Variants in CNTN5 observed in about 807,000 individuals in gnomAD.
The protein encoded by CNTN5 is contactin-5.
Under a neutral mutation model 129.1 loss-of-function variants are expected in CNTN5, and 77 were observed. The ratio of observed to expected loss-of-function variants is 0.60; its 90% confidence interval spans 0.50 to 0.72. The LOEUF (loss-of-function observed/expected upper bound fraction) is 0.72. CNTN5 is among the 30% of genes least tolerant of loss of function. The probability of loss-of-function intolerance (pLI) is 0.00; values close to 1 mark genes in which losing one functional copy is unlikely to be tolerated. For synonymous variants in CNTN5, 509 were observed against 465.6 expected, an observed-to-expected ratio of 1.09 and a Z score of -1.20; for missense variants, 1,478 against 1,328.8, an observed-to-expected ratio of 1.11 and a Z score of -1.75.
At chr11:99,520,155 A>C (rs1381249063) in intron 2 of CNTN5, among the ~76,000 whole-genome samples, 1 of 152,124 alleles carries the variant, frequency 6.6e-6, no homozygotes, top group Non-Finnish European at 1.5e-5. Context: ...TATTTATGTT[A>C]GATTCTCTGG....
At chr11:100,200,085 G>T (rs144828190) in intron 15 of CNTN5, among the ~76,000 whole-genome samples, 16 of 151,978 alleles carry the variant, frequency 1.1e-4, no homozygotes, top group African/African-American at 3.4e-4. Flanking sequence ...GGAATATCAC[G>T]TTAGCACAGT....
At chr11:99,288,557 G>A (rs1409429239) in intron 1 of CNTN5, among the ~76,000 whole-genome samples, 3 of 151,814 alleles carry the variant, frequency 2.0e-5, no homozygotes, top group Admixed American at 6.6e-5. Flanking sequence ...ATTTGCTTCA[G>A]TGTCATTTAT....
At chr11:99,158,215 C>G (rs1860428476) in intron 1 of CNTN5, among the ~76,000 whole-genome samples, 1 of 152,132 alleles carries the variant, frequency 6.6e-6, no homozygotes. Flanking sequence ...AAACCGAGCT[C>G]TTGACATTCC....
chr11:100,102,753 G>A (rs960349264), intron 13 of CNTN5, among the ~76,000 whole-genome samples: 2 of 152,050 alleles, frequency 1.3e-5, no homozygotes, highest in Non-Finnish European at 2.9e-5. Context: ...AAAACCTCAG[G>A]ACTGTAAGAT....
intron 21 of CNTN5, among the ~76,000 whole-genome samples, chr11:100,334,399 C>A (rs1024378384): frequency 6.6e-6 from 1 of 152,146 alleles, no homozygotes; most frequent in African/African-American, 2.4e-5. Flanking sequence ...AAAAGTAGAT[C>A]TACCATTTGA....
rs80059171 is a variant in CNTN5, at chr11:99,142,136, A to G, written c.-210+120866A>G. On this transcript the variant is annotated intron_variant, in intron 1 of 24. Transcript: ENST00000524871. ...ATGCTAACCCTGGCAGGCTGGGACC[A>G]GGCCCACACCTTTGTTCTCTGGCTT... 5.3e-3 allele frequency among the ~76,000 whole-genome samples: 802 copies of G among 152,238 alleles called. 8 individuals carry two copies. The highest frequency in any genetic ancestry group is 0.019 in the African/African-American group (775 of 41,536).
chr11:99,527,270 C>T (rs1947523080), intron 2 of CNTN5, among the ~76,000 whole-genome samples: 1 of 152,180 alleles, frequency 6.6e-6, no homozygotes. Context: ...CAGCCAATGC[C>T]TTTAGTCTTC....
intron 4 of CNTN5, among the ~76,000 whole-genome samples, chr11:99,832,514 GTTCTC>G (rs1947174676): frequency 6.6e-6 from 1 of 152,046 alleles, no homozygotes. Flanking sequence ...TTAATAAATC[GTTCTC>G]TTCAATTCTT....
At chr11:99,177,881 CAAAG>C (rs1857855396) in intron 1 of CNTN5, among the ~76,000 whole-genome samples, 1 of 151,924 alleles carries the variant, frequency 6.6e-6, no homozygotes, top group African/African-American at 2.4e-5. Flanking sequence ...AGCACAAAGT[CAAAG>C]AAATTCTATA....
chr11:99,800,201 G>T, intron 3 of CNTN5, among the ~76,000 whole-genome samples: 1 of 151,914 alleles, frequency 6.6e-6, no homozygotes, highest in Admixed American at 6.6e-5. Flanking sequence ...TTATATTTCT[G>T]CTTTAATTTC....
chr11:99,365,700 T>C (rs1395339703), intron 2 of CNTN5, among the ~76,000 whole-genome samples: 1 of 152,176 alleles, frequency 6.6e-6, no homozygotes, highest in Non-Finnish European at 1.5e-5. Flanking sequence ...ACACAGATTG[T>C]TTCTCATTCA....
At chr11:99,950,830 T>C (rs569907305) in intron 7 of CNTN5, among the ~76,000 whole-genome samples, 1 of 152,174 alleles carries the variant, frequency 6.6e-6, no homozygotes, top group South Asian at 2.1e-4. Context: ...TTTAGGAAAA[T>C]TAAATTACAA....
chr11:99,421,242 C>T (rs537216755), intron 2 of CNTN5, among the ~76,000 whole-genome samples: 1 of 151,900 alleles, frequency 6.6e-6, no homozygotes, highest in African/African-American at 2.4e-5. Context: ...CCTCAGATTC[C>T]TTTACAGAGT....
chr11:99,789,164 A>C (rs1591181651), intron 3 of CNTN5, among the ~76,000 whole-genome samples: 1 of 151,980 alleles, frequency 6.6e-6, no homozygotes, highest in African/African-American at 2.4e-5. Context: ...AAGCTGTTGT[A>C]GCAATATTAG....
At chr11:99,877,716 T>A (rs571386320) in intron 6 of CNTN5, among the ~76,000 whole-genome samples, 1 of 152,352 alleles carries the variant, frequency 6.6e-6, no homozygotes, top group East Asian at 1.9e-4. Context: ...TACAATACTG[T>A]GCAGCTTTAT....
chr11:99,135,284 T>G (rs930165344), intron 1 of CNTN5, among the ~76,000 whole-genome samples: 1 of 152,142 alleles, frequency 6.6e-6, no homozygotes, highest in Non-Finnish European at 1.5e-5. Flanking sequence ...TTGTAATACA[T>G]CCTCTGCAGT....
At chr11:100,027,662 C>G (rs549628933) in intron 9 of CNTN5, among the ~76,000 whole-genome samples, 1 of 152,166 alleles carries the variant, frequency 6.6e-6, no homozygotes, top group African/African-American at 2.4e-5. Context: ...TGTCCTCTCT[C>G]GTTTACTGTG....
chr11:99,072,069 AG>A (rs1461651746), intron 1 of CNTN5, among the ~76,000 whole-genome samples: 2 of 152,138 alleles, frequency 1.3e-5, no homozygotes, highest in Non-Finnish European at 1.5e-5. Context: ...ATTTATATGA[AG>A]TTGACCATTT....
intron 1 of CNTN5, among the ~76,000 whole-genome samples, chr11:99,161,984 CCT>C (rs1301784613): frequency 2.6e-5 from 4 of 152,010 alleles, no homozygotes; most frequent in Non-Finnish European, 5.9e-5. Context: ...AGAATTAATC[CCT>C]CTTTGTGCTT....
Sources: allele counts gnomAD v4.1 joint callset (sites outside exome capture counted in the v4.1 genomes callset), GRCh38; gene constraint gnomAD v4.1.1; transcripts MANE v1.5; gene names NCBI Gene and HGNC (gene_info 2026-07-23, HGNC 2026-07-21).